Variants in ITFG1 observed in about 807,000 individuals in gnomAD.
ITFG1 encodes the protein T-cell immunomodulatory protein.
ITFG1 carries 34 observed loss-of-function variants against 81.8 expected under a neutral mutation model. That is an observed-to-expected ratio of 0.42 (90% CI 0.32 to 0.55). The LOEUF is 0.55. Ranked by LOEUF, ITFG1 falls within the 20% of genes least tolerant of loss-of-function variation. The pLI is 0.17. For missense variants in ITFG1, 672 were observed against 755.4 expected, an observed-to-expected ratio of 0.89 and a Z score of 1.29; for synonymous variants, 285 against 270.6, an observed-to-expected ratio of 1.05 and a Z score of -0.52.
intron 6 of ITFG1, among the ~76,000 whole-genome samples, chr16:47,378,859 G>T (rs1230636223): frequency 6.6e-6 from 1 of 152,120 alleles, no homozygotes; most frequent in Non-Finnish European, 1.5e-5. Context: ...TTTAATCAAT[G>T]AAGCAATAAA....
intron 8 of ITFG1, among the ~76,000 whole-genome samples, chr16:47,354,366 T>C (rs1197449120): frequency 6.6e-6 from 1 of 152,068 alleles, no homozygotes; most frequent in Non-Finnish European, 1.5e-5. Context: ...AGAATGAAAG[T>C]CAACCCCCAT....
intron 10 of ITFG1, chr16:47,263,071 G>A (rs775368583): frequency 4.3e-6 from 1 of 233,232 alleles, no homozygotes; most frequent in East Asian, 1.1e-4. Context: ...AAAGTCAAAT[G>A]TATGAGCTTT....
At chr16:47,232,957 C>T (rs991768486) in intron 13 of ITFG1, among the ~76,000 whole-genome samples, 1 of 151,912 alleles carries the variant, frequency 6.6e-6, no homozygotes, top group Non-Finnish European at 1.5e-5. Flanking sequence ...TTTTATTATA[C>T]TGATTTATAC....
At chr16:47,326,452 T>C (rs1255505341) in intron 8 of ITFG1, among the ~76,000 whole-genome samples, 2 of 152,236 alleles carry the variant, frequency 1.3e-5, no homozygotes, top group East Asian at 3.9e-4. Context: ...ATATTCAAAA[T>C]AGTGTTGGAA....
intron 14 of ITFG1, among the ~76,000 whole-genome samples, chr16:47,184,297 G>A (rs545102211): frequency 1.3e-4 from 20 of 152,192 alleles, no homozygotes; most frequent in Admixed American, 1.2e-3. Flanking sequence ...GATACTCCTC[G>A]AGAAGAGCAA....
chr16:47,189,177 G>A (rs1195881180), intron 14 of ITFG1, among the ~76,000 whole-genome samples: 1 of 152,188 alleles, frequency 6.6e-6, no homozygotes, highest in Non-Finnish European at 1.5e-5. Context: ...CATTTAGAAT[G>A]TGAGTAGTTT....
At chr16:47,265,103 C>CTATTATTAT (rs140472658) in intron 10 of ITFG1, among the ~76,000 whole-genome samples, 43 of 150,162 alleles carry the variant, frequency 2.9e-4, no homozygotes, top group African/African-American at 1.0e-3. Context: ...TTAATAACTG[C>CTATTATTAT]TATTATTATT....
chr16:47,201,109 A>G (rs1289928461), intron 14 of ITFG1, among the ~76,000 whole-genome samples: 1 of 152,222 alleles, frequency 6.6e-6, no homozygotes, highest in Non-Finnish European at 1.5e-5. Context: ...ATACCTGATA[A>G]TGGGACTCAA....
intron 5 of ITFG1, among the ~76,000 whole-genome samples, chr16:47,436,422 T>C (rs1969167556): frequency 6.6e-6 from 1 of 152,186 alleles, no homozygotes; most frequent in South Asian, 2.1e-4. Context: ...TTGATGAAAA[T>C]ACATTTTATT....
intron 7 of ITFG1, among the ~76,000 whole-genome samples, chr16:47,367,639 C>T (rs191270891): frequency 1.3e-5 from 2 of 152,292 alleles, no homozygotes; most frequent in South Asian, 2.1e-4. Flanking sequence ...CAGAGAAATG[C>T]TATAACAAAA....
At chr16:47,333,538 A>G (rs1454059921) in intron 8 of ITFG1, among the ~76,000 whole-genome samples, 1 of 152,238 alleles carries the variant, frequency 6.6e-6, no homozygotes, top group Non-Finnish European at 1.5e-5. Context: ...GAAATAAGAA[A>G]AGCAAACATT....
chr16:47,419,764 G>C (rs1013081187), intron 6 of ITFG1, among the ~76,000 whole-genome samples: 1 of 151,374 alleles, frequency 6.6e-6, no homozygotes, highest in Non-Finnish European at 1.5e-5. Context: ...AGTCATGCCC[G>C]GCTAATTTTT....
At chr16:47,353,248 G>C (rs1418876564) in intron 8 of ITFG1, among the ~76,000 whole-genome samples, 1 of 151,620 alleles carries the variant, frequency 6.6e-6, no homozygotes. Context: ...CGATCAAGTG[G>C]GATTCATCCC....
chr16:47,224,665 T>A (rs1456540454), intron 13 of ITFG1, among the ~76,000 whole-genome samples: 12 of 152,018 alleles, frequency 7.9e-5, no homozygotes, highest in Admixed American at 7.9e-4. Context: ...ATAAAAAAAA[T>A]TATGACATGC....
intron 10 of ITFG1, among the ~76,000 whole-genome samples, chr16:47,265,070 G>A (rs374207388): frequency 6.6e-6 from 1 of 151,940 alleles, no homozygotes; most frequent in South Asian, 2.1e-4. Context: ...TCAGTATAGT[G>A]CCTGGTATAG....
intron 13 of ITFG1, among the ~76,000 whole-genome samples, chr16:47,221,994 G>GC (rs1379201286): frequency 1.1e-4 from 17 of 151,598 alleles, no homozygotes; most frequent in African/African-American, 3.6e-4. Flanking sequence ...TATTAGTCTT[G>GC]CTAGCGGTCT....
intron 13 of ITFG1, among the ~76,000 whole-genome samples, chr16:47,227,338 T>C (rs1169895076): frequency 2.0e-5 from 3 of 152,228 alleles, no homozygotes; most frequent in African/African-American, 7.2e-5. Flanking sequence ...ATACTTGGGT[T>C]ATATTAGGGT....
intron 16 of ITFG1, among the ~76,000 whole-genome samples, chr16:47,159,389 A>G (rs1211204541): frequency 6.6e-6 from 1 of 152,218 alleles, no homozygotes; most frequent in Non-Finnish European, 1.5e-5. Flanking sequence ...AGGTAGTCAC[A>G]TGATCCTAGA....
chr16:47,457,601 G>C (rs578067981), intron 2 of ITFG1, among the ~76,000 whole-genome samples: 1 of 152,074 alleles, frequency 6.6e-6, no homozygotes, highest in Non-Finnish European at 1.5e-5. Context: ...GAGAGAAACA[G>C]GGGTGTGGGG....
Sources: gnomAD v4.1 joint callset for allele counts (sites outside exome capture counted in the v4.1 genomes callset) on GRCh38, gnomAD v4.1.1 for gene constraint, MANE v1.5 for transcripts, NCBI Gene and HGNC (gene_info 2026-07-23, HGNC 2026-07-21) for gene names.